SLC14A2: variants seen among roughly 807,000 people sequenced by gnomAD.
SLC14A2 encodes urea transporter 2.
SLC14A2 carries 91 observed loss-of-function variants against 104.6 expected under a neutral mutation model. The observed-to-expected ratio is 0.87, with a 90% CI of 0.73 to 1.04. The LOEUF (loss-of-function observed/expected upper bound fraction) is 1.04. Among genes scored for constraint, SLC14A2 ranks in the 50% least tolerant of loss-of-function variants. The pLI is 0.00. For missense variants in SLC14A2, 1,189 were observed against 1,156.0 expected, an observed-to-expected ratio of 1.03 and a Z score of -0.41; for synonymous variants, 476 against 466.4, an observed-to-expected ratio of 1.02 and a Z score of -0.27.
chr18:45,513,013 C>T (rs1048964426), intron 2 of SLC14A2, among the ~76,000 whole-genome samples: 2 of 152,262 alleles, frequency 1.3e-5, no homozygotes, highest in African/African-American at 4.8e-5. Flanking sequence ...TAGATGGGCC[C>T]CAGAAACTTA....
At chr18:45,191,546 A>G in the SLC14A2 span, among the ~76,000 whole-genome samples, 34 of 152,368 alleles carry the variant, frequency 2.2e-4, no homozygotes, top group Admixed American at 1.5e-3. Context: ...TTAAGTGTTC[A>G]ATTAAATGAC....
At chr18:45,176,386 T>C in the SLC14A2 span, among the ~76,000 whole-genome samples, 2 of 152,156 alleles carry the variant, frequency 1.3e-5, no homozygotes, top group East Asian at 3.8e-4. Context: ...GTCTTTGTAA[T>C]CTTAACCCCA....
chr18:45,276,821 G>A (rs1239908368), intron 1 of SLC14A2, among the ~76,000 whole-genome samples: 8 of 152,172 alleles, frequency 5.3e-5, no homozygotes, highest in Non-Finnish European at 1.0e-4. Context: ...AAGCTACACC[G>A]TAAAGGTTGA....
intron 2 of SLC14A2, among the ~76,000 whole-genome samples, chr18:45,572,730 G>GCACTT (rs1323847068): frequency 1.3e-5 from 2 of 152,172 alleles, no homozygotes; most frequent in African/African-American, 4.8e-5. Context: ...ACTTATTGGG[G>GCACTT]CACTTCAGGT....
intron 1 of SLC14A2, among the ~76,000 whole-genome samples, chr18:45,398,419 C>G (rs2086059749): frequency 1.3e-5 from 2 of 152,062 alleles, no homozygotes; most frequent in South Asian, 4.2e-4. Flanking sequence ...AGGGATTGGG[C>G]AGGCAGAGGT....
intron 2 of SLC14A2, among the ~76,000 whole-genome samples, chr18:45,548,755 C>G (rs2044010793): frequency 6.6e-6 from 1 of 152,186 alleles, no homozygotes; most frequent in Non-Finnish European, 1.5e-5. Flanking sequence ...GAGTTCATCC[C>G]TCCCCAACTC....
At chr18:45,571,385 C>T (rs1228623061) in intron 2 of SLC14A2, among the ~76,000 whole-genome samples, 1 of 152,266 alleles carries the variant, frequency 6.6e-6, no homozygotes, top group East Asian at 1.9e-4. Flanking sequence ...CACATCCAGG[C>T]TCTGCCTGGG....
At chr18:45,432,533 T>C (rs1045324084) in intron 1 of SLC14A2, among the ~76,000 whole-genome samples, 1 of 152,124 alleles carries the variant, frequency 6.6e-6, no homozygotes, top group Non-Finnish European at 1.5e-5. Context: ...CTGACCACAT[T>C]GCTAGAAAAT....
chr18:45,550,175 C>T (rs1046266976), intron 2 of SLC14A2: 1 of 152,142 alleles, frequency 6.6e-6, no homozygotes, highest in Non-Finnish European at 1.5e-5. Context: ...GTACCCATTA[C>T]AATTTGAACA....
rs1230194995 is a variant in SLC14A2, at chr18:45,638,724, C to T, written c.844-1022C>T. Among the ~76,000 whole-genome samples, 9 of 152,202 alleles carry T rather than the reference C, an allele frequency of 5.9e-5. No homozygotes were observed. In the East Asian group the frequency reaches 1.5e-3, roughly 26 times the overall value. On this transcript the variant is annotated intron_variant, in intron 6 of 19. Transcript: ENST00000255226. ...ACCTGGGCATAAAGGGCCCTGTCCT[C>T]ACAGAGGTCATGTGACCTGGCAATG...
At chr18:45,243,245 C>T (rs1372545656) in intron 1 of SLC14A2, among the ~76,000 whole-genome samples, 1 of 152,198 alleles carries the variant, frequency 6.6e-6, no homozygotes, top group Non-Finnish European at 1.5e-5. Context: ...ATAATAGTCA[C>T]GATTATTATT....
intron 1 of SLC14A2, among the ~76,000 whole-genome samples, chr18:45,455,020 G>T (rs1301709810): frequency 6.6e-6 from 1 of 152,142 alleles, no homozygotes; most frequent in Non-Finnish European, 1.5e-5. Context: ...GTTTAAAGTA[G>T]TTTTTTCCAA....
chr18:45,475,573 T>A (rs1188775991), intron 1 of SLC14A2, among the ~76,000 whole-genome samples: 1 of 142,770 alleles, frequency 7.0e-6, no homozygotes, highest in Non-Finnish European at 1.5e-5. Flanking sequence ...GGATATATAT[T>A]TAGGATATAG....
At chr18:45,591,358 T>C (rs2144387864) in intron 2 of SLC14A2, among the ~76,000 whole-genome samples, 1 of 152,264 alleles carries the variant, frequency 6.6e-6, no homozygotes, top group Middle Eastern at 3.4e-3. Context: ...TTTTTTGAGA[T>C]GGAGTCTCGC....
intron 5 of SLC14A2, chr18:45,634,890 T>C (rs1461626480): frequency 8.8e-6 from 4 of 456,824 alleles, no homozygotes; most frequent in Non-Finnish European, 1.8e-5. Flanking sequence ...TCCACAATTG[T>C]CTGCTACAAA....
chr18:45,316,775 C>T (rs1205623896), intron 1 of SLC14A2, among the ~76,000 whole-genome samples: 1 of 152,186 alleles, frequency 6.6e-6, no homozygotes, highest in Non-Finnish European at 1.5e-5. Flanking sequence ...CCCTTCCCTT[C>T]ACCTCCAGCT....
chr18:45,542,041 T>TTTTG, intron 2 of SLC14A2, among the ~76,000 whole-genome samples: 5 of 95,116 alleles, frequency 5.3e-5, no homozygotes, highest in South Asian at 3.8e-4. Flanking sequence ...GAGGGTTTTT[T>TTTTG]TTTTTTTTTT....
At chr18:45,540,478 C>T (rs1280947589) in intron 2 of SLC14A2, among the ~76,000 whole-genome samples, 6 of 152,142 alleles carry the variant, frequency 3.9e-5, no homozygotes, top group Admixed American at 6.5e-5. Flanking sequence ...TGCGGTGGCT[C>T]ATACCTGTAA....
intron 1 of SLC14A2, among the ~76,000 whole-genome samples, chr18:45,321,020 C>T (rs1404771835): frequency 6.6e-6 from 1 of 152,190 alleles, no homozygotes; most frequent in African/African-American, 2.4e-5. Flanking sequence ...TTCTTAGCTG[C>T]AGCCCTAGTT....
Sources: gnomAD v4.1 joint callset for allele counts (sites outside exome capture counted in the v4.1 genomes callset) on GRCh38, gnomAD v4.1.1 for gene constraint, MANE v1.5 for transcripts, NCBI Gene and HGNC (gene_info 2026-07-23, HGNC 2026-07-21) for gene names.